Variants in DAB1 observed in about 807,000 individuals in gnomAD.
DAB1 encodes the protein disabled homolog 1.
A neutral mutation model predicts 64.6 loss-of-function variants in DAB1; 15 were observed. The ratio of observed to expected loss-of-function variants is 0.23; its 90% confidence interval spans 0.16 to 0.36. The LOEUF is 0.36. Among genes scored for constraint, DAB1 ranks in the 10% least tolerant of loss-of-function variants. The pLI is 1.00. For synonymous variants in DAB1, 235 were observed against 251.9 expected (o/e 0.93, Z 0.64); for missense variants, 596 against 706.7 (o/e 0.84, Z 1.78).
intron 4 of DAB1, among the ~76,000 whole-genome samples, chr1:58,302,112 C>G (rs1662184531): frequency 6.6e-6 from 1 of 152,026 alleles, no homozygotes; most frequent in African/African-American, 2.4e-5. Flanking sequence ...AACTAAGGGA[C>G]AGTTTTGAAA....
At chr1:58,064,791 G>C (rs962497023) in intron 5 of DAB1, among the ~76,000 whole-genome samples, 2 of 151,908 alleles carry the variant, frequency 1.3e-5, no homozygotes, top group Non-Finnish European at 2.9e-5. Flanking sequence ...GCGTGATCTC[G>C]GCTCACTGCA....
At chr1:58,479,857 T>G (rs1001947841) in intron 3 of DAB1, among the ~76,000 whole-genome samples, 1 of 152,128 alleles carries the variant, frequency 6.6e-6, no homozygotes, top group Non-Finnish European at 1.5e-5. Context: ...CATTGTAAAG[T>G]GAGAATAATA....
chr1:58,310,717 C>T (rs538255884), intron 4 of DAB1, among the ~76,000 whole-genome samples: 4 of 152,302 alleles, frequency 2.6e-5, no homozygotes, highest in African/African-American at 7.2e-5. Flanking sequence ...ACACTGGCAC[C>T]TTGCCCACAG....
intron 6 of DAB1, among the ~76,000 whole-genome samples, chr1:57,753,434 G>T (rs1003271245): frequency 6.6e-6 from 1 of 152,160 alleles, no homozygotes; most frequent in Non-Finnish European, 1.5e-5. Context: ...GGAACCAGGA[G>T]GAAAGGATTC....
chr1:58,529,486 A>G (rs1171452614), intron 1 of DAB1, among the ~76,000 whole-genome samples: 1 of 152,224 alleles, frequency 6.6e-6, no homozygotes, highest in African/African-American at 2.4e-5. Context: ...ATTATTATAC[A>G]TAAGCACTAA....
intron 1 of DAB1, among the ~76,000 whole-genome samples, chr1:57,873,681 C>T (rs1006414961): frequency 6.6e-6 from 1 of 152,060 alleles, no homozygotes; most frequent in East Asian, 1.9e-4. Flanking sequence ...TCTAGCTCTG[C>T]CATTTAATAG....
At chr1:58,389,998 G>A (rs909804370) in intron 3 of DAB1, among the ~76,000 whole-genome samples, 6 of 152,172 alleles carry the variant, frequency 3.9e-5, no homozygotes, top group African/African-American at 1.4e-4. Flanking sequence ...ATCCTACATA[G>A]CTCCCTGGTT....
intron 4 of DAB1, chr1:58,228,737 C>T (rs1459127873): frequency 6.5e-6 from 7 of 1,082,216 alleles, no homozygotes; most frequent in Non-Finnish European, 9.5e-6. Flanking sequence ...AACTGAGCCA[C>T]ATCAGGCCCA....
At chr1:57,461,823 G>A (rs1357920292) in intron 7 of DAB1, among the ~76,000 whole-genome samples, 4 of 151,894 alleles carry the variant, frequency 2.6e-5, no homozygotes, top group South Asian at 4.1e-4. Context: ...ACAAATGCAG[G>A]GTCTTGTCTT....
intron 5 of DAB1, among the ~76,000 whole-genome samples, chr1:58,007,904 A>T: frequency 6.6e-6 from 1 of 152,204 alleles, no homozygotes; most frequent in Non-Finnish European, 1.5e-5. Context: ...CTGGCTATCC[A>T]TTTGTTAATA....
At chr1:57,552,751 C>T (rs1644928774) in intron 7 of DAB1, among the ~76,000 whole-genome samples, 1 of 152,046 alleles carries the variant, frequency 6.6e-6, no homozygotes, top group Non-Finnish European at 1.5e-5. Context: ...GCCTTCTTGG[C>T]TAGTGAGCAA....
At chr1:58,009,187 T>C (rs1289618892) in intron 5 of DAB1, among the ~76,000 whole-genome samples, 1 of 152,180 alleles carries the variant, frequency 6.6e-6, no homozygotes. Context: ...GGACACTTGA[T>C]GTCTCAAGAA....
chr1:57,964,762 C>T (rs1645612061), intron 5 of DAB1, among the ~76,000 whole-genome samples: 1 of 152,036 alleles, frequency 6.6e-6, no homozygotes, highest in Non-Finnish European at 1.5e-5. Flanking sequence ...TAGGCTATAA[C>T]ATAGAGCCTG....
intron 2 of DAB1, among the ~76,000 whole-genome samples, chr1:57,221,741 T>G (rs1475811560): frequency 6.6e-6 from 1 of 152,160 alleles, no homozygotes; most frequent in Non-Finnish European, 1.5e-5. Context: ...GTGGTTCATT[T>G]TCTCAGAGAA....
chr1:57,834,938 C>T (rs1652746459), intron 1 of DAB1, among the ~76,000 whole-genome samples: 1 of 152,130 alleles, frequency 6.6e-6, no homozygotes, highest in Admixed American at 6.5e-5. Context: ...TTTTGTTAAA[C>T]TCTGTTAAAC....
intron 5 of DAB1, among the ~76,000 whole-genome samples, chr1:57,916,684 T>C (rs568472569): frequency 6.6e-6 from 1 of 152,336 alleles, no homozygotes; most frequent in African/African-American, 2.4e-5. Flanking sequence ...ACGCCTGTAA[T>C]CCCAACACTT....
At chr1:57,633,812 C>T (rs1309426081) in intron 7 of DAB1, among the ~76,000 whole-genome samples, 2 of 152,166 alleles carry the variant, frequency 1.3e-5, no homozygotes, top group South Asian at 4.1e-4. Flanking sequence ...TACATTTTGC[C>T]AGGTATCTAA....
At chr1:57,445,150 T>C (rs1395786695) in intron 7 of DAB1, among the ~76,000 whole-genome samples, 1 of 152,106 alleles carries the variant, frequency 6.6e-6, no homozygotes, top group Admixed American at 6.5e-5. Flanking sequence ...TATTAACTTC[T>C]TATACTGAAA....
intron 1 of DAB1, among the ~76,000 whole-genome samples, chr1:57,851,136 C>T (rs1273253330): frequency 2.6e-5 from 4 of 152,208 alleles, no homozygotes; most frequent in Non-Finnish European, 1.5e-5. Flanking sequence ...ATGCTAGCAT[C>T]TACCATTAAG....
Sources: allele counts gnomAD v4.1 joint callset (sites outside exome capture counted in the v4.1 genomes callset), GRCh38; gene constraint gnomAD v4.1.1; transcripts MANE v1.5; gene names NCBI Gene and HGNC (gene_info 2026-07-23, HGNC 2026-07-21).